WWP2: variants seen among roughly 807,000 people sequenced by gnomAD.
WWP2 encodes NEDD4-like E3 ubiquitin-protein ligase WWP2.
A neutral mutation model predicts 121.0 loss-of-function variants in WWP2; 57 were observed. The observed-to-expected ratio is 0.47, with a 90% CI of 0.38 to 0.59. WWP2 has a LOEUF of 0.59. Among genes scored for constraint, WWP2 ranks in the 20% least tolerant of loss-of-function variants. The pLI, the probability that WWP2 is intolerant of heterozygous loss-of-function variation, is 0.00. For synonymous variants in WWP2, 449 were observed against 441.3 expected (o/e 1.02, Z -0.22); for missense variants, 962 against 1,158.9 (o/e 0.83, Z 2.47).
chr16:69,853,023 T>C (rs1168595357), intron 6 of WWP2, among the ~76,000 whole-genome samples: 1 of 152,216 alleles, frequency 6.6e-6, no homozygotes, highest in African/African-American at 2.4e-5. Context: ...GGGTCTTTTG[T>C]GTTTTACTGA....
In WWP2 at chr16:69,937,094, C is replaced by T. The variant is rs756014748; in HGVS notation, c.2118-24C>T. ...CCTGAGCAGTGGGTCTCAGACTCCACCCATGGCTGCTCTTTGGTCTCAGGC... is the reference window on the plus strand; with the variant it reads ...CCTGAGCAGTGGGTCTCAGACTCCATCCATGGCTGCTCTTTGGTCTCAGGC... On this transcript the variant is annotated intron_variant, in intron 19 of 23. Coordinates refer to ENST00000359154, the MANE Select transcript of WWP2 (RefSeq NM_001270454.2). The surrounding 1 kb of genome is among the most constrained non-coding windows in gnomAD (Gnocchi z 6.6). 1.2e-6 allele frequency: 2 copies of T among 1,612,786 alleles called. No homozygotes were observed. The highest frequency in any genetic ancestry group is 1.3e-5 in the African/African-American group (1 of 75,022).
At chr16:69,839,239 G>T (rs1311323937) in intron 4 of WWP2, among the ~76,000 whole-genome samples, 1 of 152,186 alleles carries the variant, frequency 6.6e-6, no homozygotes, top group Non-Finnish European at 1.5e-5. Flanking sequence ...CCTCATAAAG[G>T]CTGATTCCCT....
chr16:69,832,242 C>T lies in WWP2; in HGVS notation c.341-7884C>T, dbSNP rs147712037. ...ACATACACAGAGGTGGAAAAACAGTCGATGAATCCCCACATGCCATTACCC... is the reference window on the plus strand; with the variant it reads ...ACATACACAGAGGTGGAAAAACAGTTGATGAATCCCCACATGCCATTACCC... On this transcript the variant is annotated intron_variant, in intron 4 of 23. Coordinates refer to ENST00000359154, the MANE Select transcript of WWP2 (RefSeq NM_001270454.2). 5.8e-3 allele frequency among the ~76,000 whole-genome samples: 878 copies of T among 152,172 alleles called. 8 individuals are homozygous for T. Among genetic ancestry groups the T allele is most frequent in the African/African-American group, 0.02 (826 of 41,498 alleles).
At chr16:69,931,407 G>A in intron 14 of WWP2, 102 bp from the exon 15 acceptor site, 1 of 1,532,012 alleles carries the variant, frequency 6.5e-7, no homozygotes, top group Non-Finnish European at 9.0e-7. Context: ...ACATGCTATT[G>A]CCTCCTGGCC....
At chr16:69,852,289 T>C (rs2057231026) in intron 6 of WWP2, among the ~76,000 whole-genome samples, 1 of 152,004 alleles carries the variant, frequency 6.6e-6, no homozygotes, top group Non-Finnish European at 1.5e-5. Context: ...GTCTCTTTTT[T>C]TTTTTGAGAA....
intron 6 of WWP2, among the ~76,000 whole-genome samples, chr16:69,845,776 G>T (rs1052819663): frequency 6.6e-6 from 1 of 151,988 alleles, no homozygotes; most frequent in Non-Finnish European, 1.5e-5. Context: ...AAGCCTGGGC[G>T]TGGTGGCTCA....
intron 8 of WWP2, among the ~76,000 whole-genome samples, chr16:69,893,213 T>G (rs2058056548): frequency 6.6e-6 from 1 of 152,230 alleles, no homozygotes; most frequent in South Asian, 2.1e-4. Context: ...AGAAGAAGTG[T>G]GTCCTTCCTC....
At chr16:69,802,973 A>T (rs758894705) in intron 4 of WWP2, among the ~76,000 whole-genome samples, 35 of 152,158 alleles carry the variant, frequency 2.3e-4, no homozygotes, top group Non-Finnish European at 4.9e-4. Flanking sequence ...AAACACTTCC[A>T]GTCCCAAGCA....
chr16:69,865,522 C>A (rs749534450), intron 6 of WWP2, among the ~76,000 whole-genome samples: 3 of 152,078 alleles, frequency 2.0e-5, no homozygotes, highest in Non-Finnish European at 2.9e-5. Context: ...GGGGGGGTAC[C>A]ATAACCTGCA....
chr16:69,838,888 G>T, intron 4 of WWP2: 2 of 985,164 alleles, frequency 2.0e-6, no homozygotes, highest in Non-Finnish European at 2.4e-6. Context: ...AAAACCCAAA[G>T]GGTAACTGGT....
intron 11 of WWP2, among the ~76,000 whole-genome samples, chr16:69,927,534 G>A (rs960522915): frequency 1.3e-5 from 2 of 152,250 alleles, no homozygotes; most frequent in African/African-American, 2.4e-5. Flanking sequence ...TGAATGCCGC[G>A]AGGCAGCCAG....
intron 11 of WWP2, among the ~76,000 whole-genome samples, chr16:69,926,428 C>T (rs994342400): frequency 3.9e-5 from 6 of 152,032 alleles, no homozygotes; most frequent in Non-Finnish European, 7.4e-5. Context: ...GGGGTGCGCT[C>T]GACAACAAAG....
Position 69,868,939 on chromosome 16 carries a change from GT to G in WWP2, c.576-2864del, listed in dbSNP as rs537175373. On this transcript the variant is annotated intron_variant, in intron 6 of 23. Transcript: ENST00000359154. Reference sequence around the variant, plus strand: ...CTCTCTCTGTGTTGTCCAGGCTGGAGTGCAGTGGTACAATCTCGGCTCACTG... The same window carrying G: ...CTCTCTCTGTGTTGTCCAGGCTGGAGGCAGTGGTACAATCTCGGCTCACTG... Among the ~76,000 whole-genome samples the G allele has an allele frequency of 5.1e-3, 781 of 152,276 alleles. 6 individuals are homozygous for G. Among genetic ancestry groups the G allele is most frequent in the African/African-American group, 0.018 (750 of 41,566 alleles).
At chr16:69,927,672 G>A (rs2058658836) in intron 11 of WWP2, among the ~76,000 whole-genome samples, 1 of 152,240 alleles carries the variant, frequency 6.6e-6, no homozygotes, top group African/African-American at 2.4e-5. Flanking sequence ...CAGACGTGGA[G>A]GATCTAGTTC....
chr16:69,783,896 A>G (rs547018951), intron 1 of WWP2, among the ~76,000 whole-genome samples: 32 of 152,148 alleles, frequency 2.1e-4, no homozygotes, highest in African/African-American at 5.5e-4. Context: ...TCAAGGCTGC[A>G]CTGAGCATGT....
intron 1 of WWP2, among the ~76,000 whole-genome samples, chr16:69,772,306 A>G (rs987128201): frequency 1.1e-4 from 17 of 151,954 alleles, no homozygotes; most frequent in African/African-American, 4.1e-4. Context: ...TGGGACTCTA[A>G]TCATTCCCAA....
At chr16:69,837,735 T>G (rs2056901960) in intron 4 of WWP2, among the ~76,000 whole-genome samples, 1 of 152,176 alleles carries the variant, frequency 6.6e-6, no homozygotes, top group Non-Finnish European at 1.5e-5. Context: ...GGAATGCTCA[T>G]CCCTCAGCAC....
At chr16:69,842,930 A>G (rs1054711053) in intron 6 of WWP2, among the ~76,000 whole-genome samples, 2 of 152,108 alleles carry the variant, frequency 1.3e-5, no homozygotes, top group Non-Finnish European at 1.5e-5. Flanking sequence ...TGGCCTCCCA[A>G]ACTGTTGGGA....
intron 16 of WWP2, 40 bp from the exon 17 acceptor site, chr16:69,933,930 G>A (rs1352282860): frequency 6.2e-7 from 1 of 1,602,208 alleles, no homozygotes; most frequent in South Asian, 1.1e-5. Flanking sequence ...GTGCACGAAG[G>A]GACCCATTAT....
Sources: gnomAD v4.1 joint callset for allele counts (sites outside exome capture counted in the v4.1 genomes callset) on GRCh38, gnomAD v4.1.1 for gene constraint, Gnocchi (gnomAD v3.1) non-coding constraint, MANE v1.5 for transcripts, NCBI Gene and HGNC (gene_info 2026-07-23, HGNC 2026-07-21) for gene names.